Variants in FTCD observed in about 807,000 individuals in gnomAD.
FTCD encodes the protein formimidoyltransferase-cyclodeaminase.
FTCD carries 76 observed loss-of-function variants against 62.9 expected under a neutral mutation model. The ratio of observed to expected loss-of-function variants is 1.21; its 90% confidence interval spans 1.00 to 1.46. The LOEUF (loss-of-function observed/expected upper bound fraction) is 1.46, where lower values mean the gene tolerates loss of function less well. FTCD is among the 40% of genes most tolerant of loss of function. The pLI is 0.00. For missense variants in FTCD, 845 were observed against 751.3 expected (o/e 1.12, Z -1.46); for synonymous variants, 397 against 336.9 (o/e 1.18, Z -1.95).
chr21:46,138,712 C>A, intron 11 of FTCD, 66 bp from the exon 12 acceptor site: 2 of 1,530,724 alleles, frequency 1.3e-6, no homozygotes, highest in Non-Finnish European at 1.8e-6. Flanking sequence ...ACACACTGCA[C>A]CCCAACAGGG....
intron 1 of FTCD, 103 bp from the exon 2 acceptor site, chr21:46,154,435 G>A: frequency 7.3e-7 from 1 of 1,378,026 alleles, no homozygotes; most frequent in South Asian, 1.2e-5. Context: ...GGGCTGAGGA[G>A]GCGGGCCAAG....
intron 1 of FTCD, among the ~76,000 whole-genome samples, chr21:46,154,675 C>T (rs1031068373): frequency 6.6e-6 from 1 of 152,220 alleles, no homozygotes; most frequent in African/African-American, 2.4e-5. Flanking sequence ...ACAGAGGGGC[C>T]GGGACCCCCA....
chr21:46,151,381 G>A (rs1026444090), intron 5 of FTCD, among the ~76,000 whole-genome samples, 177 bp downstream of exon 5: 2 of 152,222 alleles, frequency 1.3e-5, no homozygotes, highest in South Asian at 2.1e-4. Flanking sequence ...CTGACCTGCC[G>A]ACCTGCGCGG....
At chr21:46,143,424 G>C (rs2079062654) in intron 10 of FTCD, among the ~76,000 whole-genome samples, 1 of 143,068 alleles carries the variant, frequency 7.0e-6, no homozygotes, top group African/African-American at 2.5e-5. Flanking sequence ...GCAAGAGACC[G>C]AGGGCACGAG....
chr21:46,154,062 G>C, intron 2 of FTCD, 87 bp downstream of exon 2: 1 of 1,417,138 alleles, frequency 7.1e-7, no homozygotes, highest in Non-Finnish European at 1.0e-6. Flanking sequence ...TGGGCCCCGG[G>C]CCTACCCCCT....
At chr21:46,153,554 C>T (rs916325194) in intron 2 of FTCD, among the ~76,000 whole-genome samples, 1 of 152,184 alleles carries the variant, frequency 6.6e-6, no homozygotes, top group Non-Finnish European at 1.5e-5. Flanking sequence ...CGTGGGTCGG[C>T]GCCCACCCCA....
rs2079329773 is a variant in FTCD, at chr21:46,152,920, C to G, written c.354G>C (p.Glu118Asp). ...AQAFGQRLAE[E>D]LDVPVYLYGE... is the part of the protein sequence containing the mutation. ...GGGCACGCTCACCTGGCACGTCCAG[C>G]TCCTCTGCCAGCCTCTGGCCAAAGG... The change falls in exon 3 of 14, where the codon GAG becomes GAC. Residue 118 changes from glutamate to aspartate, a missense_variant. Glu to Asp is a conservative substitution (Grantham distance 45, BLOSUM62 2). Coordinates refer to ENST00000397746, the MANE Select transcript of FTCD (RefSeq NM_206965.2). 6.4e-7 allele frequency: 1 copy of G among 1,569,190 alleles called. No individual in the cohort carries two copies. Among genetic ancestry groups the G allele is most frequent in the Admixed American group, 1.9e-5 (1 of 53,438 alleles).
At chr21:46,154,068 C>G in intron 2 of FTCD, 81 bp downstream of exon 2, 1 of 1,462,862 alleles carries the variant, frequency 6.8e-7, no homozygotes, top group South Asian at 1.1e-5. Context: ...CCGGGCCTAC[C>G]CCCTCTCCCA....
At chr21:46,143,250 C>T (rs1176976232) in intron 10 of FTCD, among the ~76,000 whole-genome samples, 2 of 152,086 alleles carry the variant, frequency 1.3e-5, no homozygotes, top group African/African-American at 4.8e-5. Flanking sequence ...GGCGCCCCCA[C>T]CGCCCTGCTC....
Position 46,153,109 on chromosome 21 carries a change from C to T in FTCD, c.239-74G>A, listed in dbSNP as rs931012168. 4.1e-5 allele frequency: 59 copies of T among 1,450,220 alleles called. No homozygotes were observed. The East Asian group carries it at 1.5e-3, about 36-fold the overall frequency. The allele number at this position is 1,450,220 out of a possible 1,614,324, so 89.8% of individuals were successfully genotyped here. A position where few individuals can be genotyped will look rare whatever the true frequency, so the allele number is the denominator to read the frequency against. On this transcript the variant is annotated intron_variant, in intron 2 of 13. Transcript: ENST00000397746. ...TGGGAGCTCCACGGGGTTCTCGGAC[C>T]CTCTGTCCTCTCCGGCCTGGGCAGC...
chr21:46,150,651 G>A (rs2123558418), intron 5 of FTCD, 126 bp from the exon 6 acceptor site: 2 of 969,712 alleles, frequency 2.1e-6, no homozygotes, highest in East Asian at 2.5e-5. Flanking sequence ...GGGTGCTGTG[G>A]TTCTCCTCCG....
chr21:46,153,278 G>A (rs576622295), intron 2 of FTCD, among the ~76,000 whole-genome samples: 1 of 152,194 alleles, frequency 6.6e-6, no homozygotes, highest in Non-Finnish European at 1.5e-5. Flanking sequence ...GCCAGTGTGG[G>A]GGAGGTCCTT....
chr21:46,145,913 G>C lies in FTCD; in HGVS notation c.1003C>G (p.Leu335Val), dbSNP rs1394625543. 12 of 1,501,426 alleles carry C rather than the reference G, an allele frequency of 8.0e-6. No individual in the cohort carries two copies. The Admixed American group carries it at 2.5e-4, about 31-fold the overall frequency. The allele number at this position is 1,501,426 out of a possible 1,614,324, so 93.0% of individuals were successfully genotyped here. A position where few individuals can be genotyped will look rare whatever the true frequency, so the allele number is the denominator to read the frequency against. Residue 335 changes from leucine to valine, a missense_variant, in exon 9 of 14, where the codon CTG becomes GTG. Physicochemically the swap from Leu to Val is conservative, Grantham distance 32 (BLOSUM62 1). Coordinates refer to ENST00000397746, the MANE Select transcript of FTCD (RefSeq NM_206965.2). ...AAGGCGCGCAGGGACTTGCTGCCCA[G>C]GCCTCGCTCAGGCCCGCGCTCAGGG... ...LVPERGPERG[L>V]GSKSLRAFVG...
chr21:46,142,295 G>T (rs777449300), intron 10 of FTCD: 1 of 151,592 alleles, frequency 6.6e-6, no homozygotes, highest in African/African-American at 2.4e-5. Flanking sequence ...CAGGTGGCGC[G>T]TCGGGAGCTG....
At chr21:46,145,750 A>AACT (rs1358997897) in intron 9 of FTCD, 68 bp downstream of exon 9, 2 of 220,290 alleles carry the variant, frequency 9.1e-6, no homozygotes, top group East Asian at 8.1e-5. Context: ...TCCCCCCAAC[A>AACT]GCGCCCTTCC....
intron 7 of FTCD, 48 bp from the exon 8 acceptor site, chr21:46,146,375 C>G: frequency 1.5e-6 from 2 of 1,324,002 alleles, no homozygotes; most frequent in Non-Finnish European, 2.1e-6. Context: ...GTCTCCACCA[C>G]CAGGAAAGCC....
intron 4 of FTCD, 74 bp from the exon 5 acceptor site, chr21:46,151,811 G>T: frequency 1.3e-6 from 2 of 1,586,834 alleles, no homozygotes; most frequent in Non-Finnish European, 8.6e-7. Context: ...CGGGAAGGAG[G>T]GGCCCGGCCC....
At chr21:46,136,774 A>C (rs2078875672), downstream of FTCD, 10 of 1,511,554 alleles carry the variant, frequency 6.6e-6, no homozygotes, top group South Asian at 2.6e-5. Flanking sequence ...AACACACAAC[A>C]CAGGTTTGGT....
chr21:46,147,407 G>C (rs532435264), intron 7 of FTCD, among the ~76,000 whole-genome samples: 2 of 152,290 alleles, frequency 1.3e-5, no homozygotes, highest in South Asian at 4.1e-4. Context: ...CAAAAACTCA[G>C]CTTCAGGGGG....
Sources: allele counts gnomAD v4.1 joint callset (sites outside exome capture counted in the v4.1 genomes callset), GRCh38; gene constraint gnomAD v4.1.1; transcripts MANE v1.5; gene names NCBI Gene and HGNC (gene_info 2026-07-23, HGNC 2026-07-21).